Variants in THSD7A observed in about 807,000 individuals in gnomAD.
THSD7A encodes thrombospondin type 1 domain containing 7A, also known as thrombospondin type-1 domain-containing protein 7A.
In THSD7A, 96 loss-of-function variants were observed where a neutral mutation model predicts 231.3. The ratio of observed to expected loss-of-function variants is 0.41; its 90% CI spans 0.35 to 0.49. The LOEUF is 0.49. Among genes scored for constraint, THSD7A ranks in the 20% least tolerant of loss-of-function variants. The pLI is 0.05. For missense variants in THSD7A, 2,290 were observed against 2,070.2 expected (o/e 1.11, Z -2.06); for synonymous variants, 940 against 743.3 (o/e 1.26, Z -4.30).
intron 6 of THSD7A, among the ~76,000 whole-genome samples, chr7:11,525,287 G>T (rs1302929241): frequency 6.6e-6 from 1 of 151,942 alleles, no homozygotes; most frequent in Non-Finnish European, 1.5e-5. Context: ...ACCCTGCCAA[G>T]AAATATTATA....
rs1783506468 is a variant in THSD7A, at chr7:11,778,328, T to G, written c.190+53429A>C. 2.0e-5 allele frequency among the ~76,000 whole-genome samples: 3 copies of G among 152,046 alleles called. No homozygotes were observed. In the South Asian group the frequency reaches 6.2e-4, roughly 32 times the overall value. ...ACTTCCTTCTCACACAATTTAACAC[T>G]TTCTTCAAAAACAAAGCCATTAATT... On this transcript the variant is annotated intron_variant, in intron 1 of 27. Transcript: ENST00000423059.
At chr7:11,791,401 C>T (rs1393950363) in intron 1 of THSD7A, among the ~76,000 whole-genome samples, 2 of 151,972 alleles carry the variant, frequency 1.3e-5, no homozygotes, top group Non-Finnish European at 2.9e-5. Flanking sequence ...ACCCCATTAC[C>T]TTCTTTTTCT....
intron 5 of THSD7A, among the ~76,000 whole-genome samples, chr7:11,542,315 T>A (rs770270734): frequency 6.6e-6 from 1 of 152,146 alleles, no homozygotes; most frequent in African/African-American, 2.4e-5. Context: ...TATGTAAACA[T>A]ACTAGAATCA....
chr7:11,531,339 A>G (rs745553077), intron 6 of THSD7A, among the ~76,000 whole-genome samples: 1 of 152,184 alleles, frequency 6.6e-6, no homozygotes, highest in Non-Finnish European at 1.5e-5. Context: ...GTGATTCTTT[A>G]AAAACATGTC....
At chr7:11,568,857 T>A (rs1790493579) in intron 4 of THSD7A, among the ~76,000 whole-genome samples, 1 of 151,472 alleles carries the variant, frequency 6.6e-6, no homozygotes, top group African/African-American at 2.4e-5. Context: ...CTCTTAGAAC[T>A]GATAAAAATA....
chr7:11,691,700 T>A (rs1780235565), intron 1 of THSD7A, among the ~76,000 whole-genome samples: 1 of 151,444 alleles, frequency 6.6e-6, no homozygotes, highest in South Asian at 2.1e-4. Context: ...GTATTTTGGA[T>A]GAGTAAATAT....
intron 2 of THSD7A, among the ~76,000 whole-genome samples, chr7:11,600,987 A>G (rs1780532143): frequency 6.6e-6 from 1 of 152,186 alleles, no homozygotes; most frequent in Non-Finnish European, 1.5e-5. Flanking sequence ...ATTGCTACTC[A>G]GTGTCATGTA....
chr7:11,770,827 A>C (rs1189843378), intron 1 of THSD7A, among the ~76,000 whole-genome samples: 1 of 152,140 alleles, frequency 6.6e-6, no homozygotes, highest in Admixed American at 6.6e-5. Context: ...TTTTTTGGCT[A>C]CGTAGAAGTA....
At chr7:11,726,907 G>A (rs1265175228) in intron 1 of THSD7A, among the ~76,000 whole-genome samples, 1 of 151,860 alleles carries the variant, frequency 6.6e-6, no homozygotes, top group African/African-American at 2.4e-5. Context: ...CTCAGGTCCT[G>A]GCCCAGTCTC....
At position 11,579,434 on chromosome 7, in the gene THSD7A, C is replaced by T. The variant is rs143098760; in HGVS notation, c.1453+11026G>A. Among the ~76,000 whole-genome samples, 44 of 152,266 alleles carry T rather than the reference C, an allele frequency of 2.9e-4. No individual in the cohort carries two copies. In the East Asian group the frequency reaches 4.1e-3, roughly 14 times the overall value. On this transcript the variant is annotated intron_variant, in intron 4 of 27. Transcript: ENST00000423059. ...GTGCTCATTTCAAAATTCCTCCTGGCGCTATCATTCATCTACAACGAACTC... is the reference window on the plus strand; with the variant it reads ...GTGCTCATTTCAAAATTCCTCCTGGTGCTATCATTCATCTACAACGAACTC...
intron 1 of THSD7A, among the ~76,000 whole-genome samples, chr7:11,783,175 C>T (rs1299902011): frequency 1.3e-5 from 2 of 152,040 alleles, no homozygotes; most frequent in African/African-American, 2.4e-5. Context: ...CTCAATAGAC[C>T]CATCTTAAGT....
intron 2 of THSD7A, among the ~76,000 whole-genome samples, chr7:11,635,173 A>G (rs1241835299): frequency 1.3e-5 from 2 of 152,190 alleles, no homozygotes; most frequent in African/African-American, 4.8e-5. Context: ...TTTTTAATCA[A>G]GAGAATAGAC....
intron 1 of THSD7A, among the ~76,000 whole-genome samples, chr7:11,695,774 G>C (rs10499415): frequency 0.15 from 22,264 of 151,448 alleles, 1,763 homozygotes; most frequent in Admixed American, 0.19. Flanking sequence ...AATAGTTTGG[G>C]CTTCATCTTG....
At position 11,771,961 on chromosome 7, in the gene THSD7A, C is replaced by T. The variant is rs142674434; in HGVS notation, c.190+59796G>A. ...ATGTGTGTGCTCTCCTTTCACCTTC[C>T]GCCATGGTTGAAAGTTTGCTGAGGC... On this transcript the variant is annotated intron_variant, in intron 1 of 27. Coordinates refer to ENST00000423059, the MANE Select transcript of THSD7A (RefSeq NM_015204.3). Among the ~76,000 whole-genome samples the T allele has an allele frequency of 4.6e-3, 705 of 152,234 alleles. 1 individual carries two copies. The highest frequency in any genetic ancestry group is 7.7e-3 in the Non-Finnish European group (527 of 68,010).
At chr7:11,475,954 T>G (rs980269228) in intron 7 of THSD7A, among the ~76,000 whole-genome samples, 8 of 141,068 alleles carry the variant, frequency 5.7e-5, no homozygotes, top group Non-Finnish European at 1.6e-5. Flanking sequence ...TTTTTTTTTT[T>G]GCTCTGTAAG....
intron 9 of THSD7A, among the ~76,000 whole-genome samples, chr7:11,466,198 G>A (rs1172650224): frequency 3.3e-5 from 5 of 151,978 alleles, no homozygotes; most frequent in African/African-American, 7.2e-5. Flanking sequence ...GACTTTACTC[G>A]CAGAATTAAG....
intron 6 of THSD7A, among the ~76,000 whole-genome samples, chr7:11,497,549 A>G (rs1787153027): frequency 6.6e-6 from 1 of 152,092 alleles, no homozygotes; most frequent in African/African-American, 2.4e-5. Flanking sequence ...AACACTGGTC[A>G]TTTTTTTGGT....
chr7:11,398,306 C>T (rs991026826), intron 23 of THSD7A, among the ~76,000 whole-genome samples: 4 of 151,916 alleles, frequency 2.6e-5, no homozygotes, highest in Non-Finnish European at 4.4e-5. Flanking sequence ...AAACACTGCA[C>T]GTTCTCATTC....
chr7:11,405,308 T>C (rs1034703), intron 22 of THSD7A, among the ~76,000 whole-genome samples: 13,325 of 152,174 alleles, frequency 0.088, 612 homozygotes, highest in Non-Finnish European at 0.11. Context: ...CACATCCTTT[T>C]ATATAGAAAA....
Sources: allele counts gnomAD v4.1 joint callset (sites outside exome capture counted in the v4.1 genomes callset), GRCh38; gene constraint gnomAD v4.1.1; transcripts MANE v1.5; gene names NCBI Gene and HGNC (gene_info 2026-07-23, HGNC 2026-07-21).